The following FGF9 variants were observed in gnomAD, a reference collection of about 807,000 sequenced individuals.
FGF9 encodes fibroblast growth factor 9 (glia-activating factor).
In FGF9, 3 loss-of-function variants were observed where a neutral mutation model predicts 19.9. The observed-to-expected ratio is 0.15, with a 90% CI of 0.07 to 0.39. FGF9 has a LOEUF of 0.39. Ranked by LOEUF, FGF9 falls within the 10% of genes least tolerant of loss-of-function variation. The pLI is 1.00. For missense variants in FGF9, 175 were observed against 256.8 expected (o/e 0.68, Z 2.18); for synonymous variants, 107 against 106.9 (o/e 1.00, Z -0.01).
chr13:21,685,728 G>A (rs1221989625), intron 2 of FGF9, among the ~76,000 whole-genome samples: 1 of 152,168 alleles, frequency 6.6e-6, no homozygotes, highest in African/African-American at 2.4e-5. Context: ...CCATAGTAGA[G>A]GAATGGACAG....
chr13:21,686,925 C>T (rs1872176631), intron 2 of FGF9, among the ~76,000 whole-genome samples: 1 of 152,182 alleles, frequency 6.6e-6, no homozygotes, highest in Admixed American at 6.5e-5. Flanking sequence ...AGGCCCAAAA[C>T]TTGTAGATGC....
Position 21,678,288 on chromosome 13 carries a change from G to A in FGF9, c.278-2754G>A, listed in dbSNP as rs549821171. Reference sequence around the variant, plus strand: ...TTCAGAACTCAGCTATATGAAAATGGTACAGAAATCACAGAAACATTAAAA... The same window carrying A: ...TTCAGAACTCAGCTATATGAAAATGATACAGAAATCACAGAAACATTAAAA... On this transcript the variant is annotated intron_variant, in intron 1 of 2. Coordinates refer to ENST00000382353, the MANE Select transcript of FGF9 (RefSeq NM_002010.3). Among the ~76,000 whole-genome samples the A allele has an allele frequency of 3.3e-5, 5 of 152,184 alleles. No homozygotes were observed. The South Asian group carries it at 1.0e-3, about 32-fold the overall frequency.
intron 2 of FGF9, among the ~76,000 whole-genome samples, chr13:21,697,692 C>T (rs916902685): frequency 6.6e-6 from 1 of 152,082 alleles, no homozygotes; most frequent in African/African-American, 2.4e-5. Context: ...ATAGTGATAC[C>T]TCTACCACTG....
At chr13:21,698,105 G>A (rs1010031973) in intron 2 of FGF9, among the ~76,000 whole-genome samples, 1 of 152,196 alleles carries the variant, frequency 6.6e-6, no homozygotes, top group African/African-American at 2.4e-5. Context: ...ACTGCGCCCG[G>A]CCCCCACGTA....
At chr13:21,684,595 G>A (rs1221218817) in intron 2 of FGF9, among the ~76,000 whole-genome samples, 2 of 152,076 alleles carry the variant, frequency 1.3e-5, no homozygotes, top group Non-Finnish European at 2.9e-5. Context: ...GCCTGAGGGG[G>A]AATGAGGCTG....
Position 21,671,428 on chromosome 13 carries a change from A to G in FGF9, c.-485A>G. 2.4e-6 allele frequency: 1 copy of G among 419,124 alleles called. No individual in the cohort carries two copies. Among genetic ancestry groups the G allele is most frequent in the South Asian group, 1.0e-4 (1 of 9,918 alleles). The allele number at this position is 419,124 out of a possible 1,614,324, so 26.0% of individuals were successfully genotyped here. Reference sequence around the variant, plus strand: ...CTGATGTCTGCAGAGTCGGTTAGAGAGTAAAAACAGCGCATGCCTTCCTGG... The same window carrying G: ...CTGATGTCTGCAGAGTCGGTTAGAGGGTAAAAACAGCGCATGCCTTCCTGG... On this transcript the variant is annotated 5_prime_UTR_variant, in exon 1 of 3. Coordinates refer to ENST00000382353, the MANE Select transcript of FGF9 (RefSeq NM_002010.3).
intron 2 of FGF9, among the ~76,000 whole-genome samples, chr13:21,697,701 T>G (rs1872440449): frequency 6.6e-6 from 1 of 152,210 alleles, no homozygotes; most frequent in South Asian, 2.1e-4. Context: ...CCTCTACCAC[T>G]GCGGAATTTT....
At chr13:21,688,587 A>G (rs867186175) in intron 2 of FGF9, among the ~76,000 whole-genome samples, 1 of 152,234 alleles carries the variant, frequency 6.6e-6, no homozygotes, top group African/African-American at 2.4e-5. Flanking sequence ...GAATGTAGGT[A>G]AATTAGTAAA....
At chr13:21,693,432 A>G (rs1448644520) in intron 2 of FGF9, among the ~76,000 whole-genome samples, 1 of 152,120 alleles carries the variant, frequency 6.6e-6, no homozygotes, top group Non-Finnish European at 1.5e-5. Context: ...GAGAAATTCA[A>G]GAGCCACGTG....
Position 21,672,228 on chromosome 13 carries a change from C to G in FGF9, c.277+39C>G. On this transcript the variant is annotated intron_variant, in intron 1 of 2. Transcript: ENST00000382353. This position sits in a 1 kb window ranked among gnomAD's most constrained non-coding sequence, Gnocchi z 4.2. ...TAACCCTTTAGTGTCCATGAGATGA[C>G]ATGTTGAAATTATAACTACCAAGAA... 1 of 1,612,168 alleles carries G rather than the reference C, an allele frequency of 6.2e-7. No individual in the cohort carries two copies. The highest frequency in any genetic ancestry group is 1.7e-5 in the Admixed American group (1 of 60,024).
At chr13:21,698,229 TA>T (rs1428098850) in intron 2 of FGF9, among the ~76,000 whole-genome samples, 1 of 152,202 alleles carries the variant, frequency 6.6e-6, no homozygotes, top group African/African-American at 2.4e-5. Context: ...CTTCATTACA[TA>T]ATAACAAGAT....
At chr13:21,676,925 C>T (rs1871929831) in intron 1 of FGF9, among the ~76,000 whole-genome samples, 4 of 152,152 alleles carry the variant, frequency 2.6e-5, no homozygotes, top group Admixed American at 2.6e-4. Context: ...ACTGGGGCAG[C>T]CCATCAGCTC....
intron 1 of FGF9, among the ~76,000 whole-genome samples, chr13:21,679,170 G>A (rs1871982633): frequency 6.6e-6 from 1 of 152,088 alleles, no homozygotes; most frequent in South Asian, 2.1e-4. Context: ...AACACAATTT[G>A]TAATTTCACT....
chr13:21,675,635 C>T (rs896021172), intron 1 of FGF9, among the ~76,000 whole-genome samples: 1 of 152,198 alleles, frequency 6.6e-6, no homozygotes, highest in African/African-American at 2.4e-5. Flanking sequence ...CTGGGGAGTT[C>T]GTCCTCACAC....
intron 2 of FGF9, among the ~76,000 whole-genome samples, chr13:21,685,124 A>G (rs1872129413): frequency 6.6e-6 from 1 of 152,176 alleles, no homozygotes; most frequent in African/African-American, 2.4e-5. Flanking sequence ...TACTAAATAC[A>G]CTAACATTTG....
chr13:21,689,331 G>T (rs1329436022), intron 2 of FGF9, among the ~76,000 whole-genome samples: 2 of 152,212 alleles, frequency 1.3e-5, no homozygotes, highest in African/African-American at 4.8e-5. Context: ...CGAAGGCAGG[G>T]ACTTGGTGAC....
At position 21,687,670 on chromosome 13, in the gene FGF9, G is replaced by C. The variant is rs139067473; in HGVS notation, c.381+6525G>C. On this transcript the variant is annotated intron_variant, in intron 2 of 2. Coordinates refer to ENST00000382353, the MANE Select transcript of FGF9 (RefSeq NM_002010.3). The stretch of plus-strand genomic sequence containing the variant: ...CCCTGCCCCACTTCTTCCTATGTGA[G>C]TTCCTGGGACAACAAATGATCTCAT... Among the ~76,000 whole-genome samples, 525 of 152,326 alleles carry C rather than the reference G, an allele frequency of 3.4e-3. 7 individuals are homozygous for C. Among genetic ancestry groups the C allele is most frequent in the African/African-American group, 0.012 (504 of 41,580 alleles).
chr13:21,677,997 A>G (rs1871954442), intron 1 of FGF9, among the ~76,000 whole-genome samples: 1 of 152,226 alleles, frequency 6.6e-6, no homozygotes, highest in Admixed American at 6.5e-5. Context: ...TGCATTTGCC[A>G]CACTGTTGTT....
chr13:21,674,909 A>G (rs546325293), intron 1 of FGF9, among the ~76,000 whole-genome samples: 28 of 151,386 alleles, frequency 1.8e-4, no homozygotes, highest in African/African-American at 5.8e-4. Flanking sequence ...AGAAACCGTT[A>G]AACAAAAAGC....
Sources: gnomAD v4.1 joint callset for allele counts (sites outside exome capture counted in the v4.1 genomes callset) on GRCh38, gnomAD v4.1.1 for gene constraint, Gnocchi (gnomAD v3.1) non-coding constraint, MANE v1.5 for transcripts, NCBI Gene and HGNC (gene_info 2026-07-23, HGNC 2026-07-21) for gene names.